The following CHD9 variants were observed in gnomAD, a reference collection of about 807,000 sequenced individuals.
The protein encoded by CHD9 is ATP-dependent chromatin remodeler CHD9.
CHD9 carries 77 observed loss-of-function variants against 316.1 expected under a neutral mutation model. The ratio of observed to expected loss-of-function variants is 0.24; its 90% CI spans 0.20 to 0.29. CHD9 has a LOEUF of 0.29. CHD9 is among the 10% of genes least tolerant of loss of function. The probability of loss-of-function intolerance (pLI) is 1.00; values close to 1 mark genes in which losing one functional copy is unlikely to be tolerated. For synonymous variants in CHD9, 1,129 were observed against 1,158.3 expected (o/e 0.97, Z 0.51); for missense variants, 2,763 against 3,438.1 (o/e 0.80, Z 4.91).
At chr16:53,153,756 C>T (rs182506872) in intron 1 of CHD9, among the ~76,000 whole-genome samples, 8 of 152,100 alleles carry the variant, frequency 5.3e-5, no homozygotes, top group East Asian at 3.9e-4. Context: ...AGGCTGGTCT[C>T]GAACTCCTGG....
At chr16:53,171,130 C>T (rs2042683900) in intron 2 of CHD9, among the ~76,000 whole-genome samples, 1 of 152,094 alleles carries the variant, frequency 6.6e-6, no homozygotes, top group Non-Finnish European at 1.5e-5. Flanking sequence ...ACAATTTAGG[C>T]CAGGTGCGGT....
chr16:53,212,369 C>T (rs2046399990), intron 3 of CHD9, among the ~76,000 whole-genome samples: 1 of 150,904 alleles, frequency 6.6e-6, no homozygotes, highest in Non-Finnish European at 1.5e-5. Flanking sequence ...TGCACCACTG[C>T]ACTCCAGCCT....
In CHD9 at chr16:53,323,756, C is replaced by T. The variant is rs1210269846; in HGVS notation, c.7819-264C>T. The stretch of plus-strand genomic sequence containing the variant: ...GGACCTTATATTTTCTAGAATTATA[C>T]TACAATCTTATGTTTTACAGTATGG... On this transcript the variant is annotated intron_variant, in intron 38 of 38. Transcript: ENST00000447540. Among the ~76,000 whole-genome samples, 5 of 152,078 alleles carry T rather than the reference C, an allele frequency of 3.3e-5. No individual in the cohort carries two copies. The South Asian group carries it at 8.3e-4, about 25-fold the overall frequency.
intron 2 of CHD9, among the ~76,000 whole-genome samples, chr16:53,174,298 A>G (rs2042964553): frequency 6.6e-6 from 1 of 152,228 alleles, no homozygotes; most frequent in Non-Finnish European, 1.5e-5. Flanking sequence ...CTCAAAAACC[A>G]AAAAGGAAGG....
chr16:53,156,016 A>G lies in CHD9; in HGVS notation c.-74A>G, dbSNP rs2041497295. On this transcript the variant is annotated 5_prime_UTR_variant, in exon 2 of 39. Coordinates refer to ENST00000447540, the MANE Select transcript of CHD9 (RefSeq NM_001308319.2). ...GTTGATGACCTTCGGAAATGATCCAATAATATCTACTATAGAGAAGCTGAA... is the reference window on the plus strand; with the variant it reads ...GTTGATGACCTTCGGAAATGATCCAGTAATATCTACTATAGAGAAGCTGAA... 2 of 1,397,710 alleles carry G rather than the reference A, an allele frequency of 1.4e-6. No individual in the cohort carries two copies. Among genetic ancestry groups the G allele is most frequent in the Non-Finnish European group, 1.9e-6 (2 of 1,034,014 alleles). 86.6% of individuals were successfully genotyped at this position (1,397,710 alleles called of 1,614,324 possible).
intron 1 of CHD9, among the ~76,000 whole-genome samples, chr16:53,141,320 A>C (rs996152190): frequency 2.6e-5 from 4 of 152,198 alleles, no homozygotes; most frequent in Admixed American, 2.0e-4. Context: ...CTGGTTCCAG[A>C]GCCTGTAAAA....
intron 25 of CHD9, among the ~76,000 whole-genome samples, chr16:53,285,993 C>T (rs868302827): frequency 2.0e-5 from 3 of 152,198 alleles, no homozygotes; most frequent in Middle Eastern, 6.8e-3. Flanking sequence ...TCAGTTTATC[C>T]TATTTCTCAT....
intron 2 of CHD9, among the ~76,000 whole-genome samples, chr16:53,176,186 A>T (rs747012711): frequency 3.3e-5 from 5 of 152,222 alleles, no homozygotes; most frequent in African/African-American, 4.8e-5. Context: ...GCTCTAGGGG[A>T]TGATCAATTT....
Position 53,292,859 on chromosome 16 carries a change from G to A in CHD9, c.5317G>A (p.Val1773Ile). 2 of 1,613,600 alleles carry A rather than the reference G, an allele frequency of 1.2e-6. No individual in the cohort carries two copies. Among genetic ancestry groups the A allele is most frequent in the Middle Eastern group, 1.6e-4 (1 of 6,062 alleles). Residue 1773 changes from valine to isoleucine, a missense_variant, in exon 29 of 39, where the codon GTA (valine) becomes ATA (isoleucine). Physicochemically the swap from Val to Ile is conservative, Grantham distance 29 (BLOSUM62 3). Coordinates refer to ENST00000447540, the MANE Select transcript of CHD9 (RefSeq NM_001308319.2). ...GDGQLMEGDK[V>I]YWPTQSALTT... The stretch of plus-strand genomic sequence containing the variant: ...TGGTCAACTGATGGAGGGTGATAAA[G>A]TATATTGGCCTACTCAATCAGCTTT...
At position 53,209,616 on chromosome 16, in the gene CHD9, A is replaced by G. The variant is rs559102462; in HGVS notation, c.1587A>G (p.Ile529Met). The G allele has an allele frequency of 1.2e-6, 2 of 1,613,954 alleles. No individual in the cohort carries two copies. Among genetic ancestry groups the G allele is most frequent in the Non-Finnish European group, 1.7e-6 (2 of 1,179,852 alleles). Residue 529 changes from isoleucine to methionine, a missense_variant, in exon 3 of 39, where the codon ATA (isoleucine) becomes ATG (methionine). Physicochemically the swap from Ile to Met is conservative, Grantham distance 10 (BLOSUM62 1). This residue lies in a region of CHD9 where 859 missense variants were observed against 890.4 expected (regional missense o/e 0.96). Coordinates refer to ENST00000447540, the MANE Select transcript of CHD9 (RefSeq NM_001308319.2). The stretch of plus-strand genomic sequence containing the variant: ...GCAAGCAAGAAAAGGCTAATCGTAT[A>G]ATATCAGAGGCCATAGCAAAAGCAA... ...SESKQEKANR[I>M]ISEAIAKAKE...
chr16:53,130,868 G>A (rs1185216022), intron 1 of CHD9: 1 of 152,000 alleles, frequency 6.6e-6, no homozygotes, highest in Non-Finnish European at 1.5e-5. Context: ...TCAGCGGCGC[G>A]GGCACAAATA....
At position 53,157,182 on chromosome 16, in the gene CHD9, G is replaced by A. The variant is rs2041577816; in HGVS notation, c.1093G>A (p.Val365Ile). ...TGTGCACATGAACTTCCCAGATCCTGTTGACTCAGGAACTCAAATGGGCCA... is the reference window on the plus strand; with the variant it reads ...TGTGCACATGAACTTCCCAGATCCTATTGACTCAGGAACTCAAATGGGCCA... Reference protein sequence around the residue: ...SPVHMNFPDPVDSGTQMGHFN... With the variant: ...SPVHMNFPDPIDSGTQMGHFN... The change falls in exon 2 of 39, where the codon GTT becomes ATT. Residue 365 changes from valine (V) to isoleucine (I), a missense_variant. Transcript: ENST00000447540. 1 of 1,608,232 alleles carries A rather than the reference G, an allele frequency of 6.2e-7. No homozygotes were observed. Among genetic ancestry groups the A allele is most frequent in the Non-Finnish European group, 8.5e-7 (1 of 1,176,778 alleles).
At chr16:53,322,319 T>C (rs1280099137) in intron 38 of CHD9, among the ~76,000 whole-genome samples, 1 of 151,280 alleles carries the variant, frequency 6.6e-6, no homozygotes, top group Non-Finnish European at 1.5e-5. Flanking sequence ...TTAAAGAGTA[T>C]ATCTTAGACC....
chr16:53,256,938 C>T (rs145561056), intron 19 of CHD9, among the ~76,000 whole-genome samples: 8 of 152,176 alleles, frequency 5.3e-5, no homozygotes, highest in African/African-American at 1.9e-4. Context: ...CACTTGCATT[C>T]ATTTAGCAGA....
intron 1 of CHD9, among the ~76,000 whole-genome samples, chr16:53,055,910 C>A (rs960003740): frequency 1.3e-5 from 2 of 152,180 alleles, no homozygotes; most frequent in African/African-American, 4.8e-5. Context: ...TCCTCCCCAC[C>A]CTGATCCCAG....
intron 2 of CHD9, among the ~76,000 whole-genome samples, chr16:53,166,906 C>T (rs2042304432): frequency 6.6e-6 from 1 of 152,006 alleles, no homozygotes; most frequent in African/African-American, 2.4e-5. Flanking sequence ...TTACATTGAC[C>T]ATTTCATGGG....
At chr16:53,063,176 T>G (rs1338830844) in intron 1 of CHD9, among the ~76,000 whole-genome samples, 1 of 150,494 alleles carries the variant, frequency 6.6e-6, no homozygotes, top group Non-Finnish European at 1.5e-5. Flanking sequence ...CAATATGGGT[T>G]AAGTACTATT....
intron 1 of CHD9, among the ~76,000 whole-genome samples, chr16:53,120,115 C>T (rs2152650197): frequency 6.6e-6 from 1 of 152,010 alleles, no homozygotes; most frequent in East Asian, 1.9e-4. Context: ...GCCTGTAGTC[C>T]CAGCTATTCA....
chr16:53,281,352 C>CCTCTCTTCCCT (rs984452637), intron 24 of CHD9, among the ~76,000 whole-genome samples: 3 of 152,264 alleles, frequency 2.0e-5, no homozygotes, highest in Admixed American at 6.5e-5. Context: ...ATTCTTGATT[C>CCTCTCTTCCCT]CTCTCTTCCC....
Sources: gnomAD v4.1 joint callset for allele counts (sites outside exome capture counted in the v4.1 genomes callset) on GRCh38, gnomAD v4.1.1 for gene constraint, gnomAD v4.1.1 regional missense constraint, MANE v1.5 for transcripts, NCBI Gene and HGNC (gene_info 2026-07-23, HGNC 2026-07-21) for gene names.